The following ERC2 variants were observed in gnomAD, a reference collection of about 807,000 sequenced individuals.
The protein encoded by ERC2 is ERC protein 2.
In ERC2, 42 loss-of-function variants were observed where a neutral mutation model predicts 114.8. The observed-to-expected ratio is 0.37, with a 90% CI of 0.29 to 0.47. The LOEUF is 0.47. Among genes scored for constraint, ERC2 ranks in the 20% least tolerant of loss-of-function variants. The probability of loss-of-function intolerance (pLI) is 0.99; values close to 1 mark genes in which losing one functional copy is unlikely to be tolerated. For synonymous variants in ERC2, 454 were observed against 425.5 expected (o/e 1.07, Z -0.82); for missense variants, 939 against 1,150.7 (o/e 0.82, Z 2.66).
intron 17 of ERC2, among the ~76,000 whole-genome samples, chr3:55,539,461 C>T (rs1274285562): frequency 5.1e-5 from 4 of 78,390 alleles, no homozygotes; most frequent in Admixed American, 2.0e-4. Flanking sequence ...CTTGCTCTGT[C>T]GCCCAGACTG....
chr3:56,413,909 G>C (rs372138610), intron 2 of ERC2, among the ~76,000 whole-genome samples: 1 of 152,140 alleles, frequency 6.6e-6, no homozygotes, highest in East Asian at 1.9e-4. Context: ...TGCACCCATA[G>C]AAACCACAGC....
chr3:56,031,146 G>T (rs1246644179), intron 7 of ERC2, among the ~76,000 whole-genome samples: 1 of 152,174 alleles, frequency 6.6e-6, no homozygotes, highest in Non-Finnish European at 1.5e-5. Flanking sequence ...CACCAGGCCT[G>T]CCCCAGCCCA....
chr3:56,206,131 T>C (rs968867427), intron 3 of ERC2, among the ~76,000 whole-genome samples: 4 of 151,912 alleles, frequency 2.6e-5, no homozygotes, highest in African/African-American at 9.7e-5. Context: ...CAAATGAGAA[T>C]GGGGTCAGGG....
intron 2 of ERC2, among the ~76,000 whole-genome samples, chr3:56,323,633 G>C (rs564956114): frequency 6.6e-6 from 1 of 152,246 alleles, no homozygotes; most frequent in South Asian, 2.1e-4. Flanking sequence ...TTATTACACT[G>C]CAATAGATAA....
chr3:56,297,514 A>T (rs1280116437), intron 2 of ERC2, among the ~76,000 whole-genome samples: 1 of 152,222 alleles, frequency 6.6e-6, no homozygotes, highest in Non-Finnish European at 1.5e-5. Context: ...CCGTGCTTGA[A>T]GATAGTTGAT....
At position 56,087,752 on chromosome 3, in the gene ERC2, C is replaced by T. The variant is rs192989837; in HGVS notation, c.1474-6768G>A. 1.5e-3 allele frequency among the ~76,000 whole-genome samples: 222 copies of T among 152,192 alleles called. 1 individual carries two copies. The highest frequency in any genetic ancestry group is 5.1e-3 in the African/African-American group (211 of 41,532). ...AAACTGGAACACTCACAAAAGCTCC[C>T]AATATAGTTTTATTTCACATTCAAA... On this transcript the variant is annotated intron_variant, in intron 6 of 17. Coordinates refer to ENST00000288221, the MANE Select transcript of ERC2 (RefSeq NM_015576.3).
chr3:56,180,783 A>G (rs1028075868), intron 3 of ERC2, among the ~76,000 whole-genome samples: 1 of 152,200 alleles, frequency 6.6e-6, no homozygotes, highest in Non-Finnish European at 1.5e-5. Flanking sequence ...AAAGTGGTTA[A>G]GACAGTAAAT....
intron 2 of ERC2, among the ~76,000 whole-genome samples, chr3:56,300,485 G>A (rs1299466223): frequency 6.6e-6 from 1 of 152,098 alleles, no homozygotes; most frequent in Non-Finnish European, 1.5e-5. Flanking sequence ...AATAAACTAT[G>A]TCTTATTTGA....
intron 8 of ERC2, among the ~76,000 whole-genome samples, chr3:56,017,575 C>T (rs2073391955): frequency 6.6e-6 from 1 of 152,114 alleles, no homozygotes; most frequent in Admixed American, 6.6e-5. Context: ...TCTGCCAGGG[C>T]TTTCTCCCTC....
chr3:56,268,383 C>T (rs760971075), intron 3 of ERC2, among the ~76,000 whole-genome samples: 3 of 152,010 alleles, frequency 2.0e-5, no homozygotes, highest in Non-Finnish European at 4.4e-5. Flanking sequence ...GTATCCCCAT[C>T]GTTAAGCAAC....
At chr3:55,950,801 G>A (rs2067448768) in intron 12 of ERC2, among the ~76,000 whole-genome samples, 2 of 152,186 alleles carry the variant, frequency 1.3e-5, no homozygotes, top group South Asian at 4.1e-4. Flanking sequence ...TCACTCTCAT[G>A]GAGCTTAGAG....
intron 12 of ERC2, among the ~76,000 whole-genome samples, chr3:55,975,398 C>G (rs996010150): frequency 1.3e-5 from 2 of 152,022 alleles, no homozygotes; most frequent in African/African-American, 4.8e-5. Context: ...TATTTTCTTC[C>G]TGCTCTCTTA....
At chr3:55,848,062 GC>G (rs1364419505) in intron 14 of ERC2, among the ~76,000 whole-genome samples, 1 of 152,042 alleles carries the variant, frequency 6.6e-6, no homozygotes, top group African/African-American at 2.4e-5. Flanking sequence ...CTCCCAAAGT[GC>G]TGGGATTACA....
chr3:55,704,582 G>A (rs1213766582), intron 15 of ERC2, among the ~76,000 whole-genome samples: 3 of 152,168 alleles, frequency 2.0e-5, no homozygotes, highest in South Asian at 2.1e-4. Context: ...AGTAAAAGAT[G>A]AGCAAACCAG....
At chr3:55,996,576 G>A (rs943007469) in intron 10 of ERC2, among the ~76,000 whole-genome samples, 7 of 152,024 alleles carry the variant, frequency 4.6e-5, no homozygotes, top group Admixed American at 2.6e-4. Context: ...TGTCTGCATC[G>A]CATACTACAT....
chr3:56,068,470 T>G (rs904912956), intron 7 of ERC2, among the ~76,000 whole-genome samples: 2 of 152,066 alleles, frequency 1.3e-5, no homozygotes, highest in African/African-American at 4.8e-5. Context: ...TTTTATTTAT[T>G]TATTTATTTT....
chr3:56,179,139 G>A (rs750505931), intron 3 of ERC2, among the ~76,000 whole-genome samples: 12 of 152,062 alleles, frequency 7.9e-5, no homozygotes, highest in Admixed American at 2.6e-4. Context: ...ATTCAAAGCC[G>A]TCGTGGTGGC....
chr3:55,921,238 T>C (rs2065410900), intron 13 of ERC2, among the ~76,000 whole-genome samples: 1 of 152,130 alleles, frequency 6.6e-6, no homozygotes, highest in Non-Finnish European at 1.5e-5. Context: ...CTGACTCTGG[T>C]AAATAAAAAT....
chr3:55,623,335 G>A (rs2148603362), intron 17 of ERC2, among the ~76,000 whole-genome samples: 1 of 152,308 alleles, frequency 6.6e-6, no homozygotes, highest in South Asian at 2.1e-4. Flanking sequence ...CTATTCCTCT[G>A]TTAAGCACAG....
Sources: allele counts gnomAD v4.1 joint callset (sites outside exome capture counted in the v4.1 genomes callset), GRCh38; gene constraint gnomAD v4.1.1; transcripts MANE v1.5; gene names NCBI Gene and HGNC (gene_info 2026-07-23, HGNC 2026-07-21).